The following ALB variants were observed in gnomAD, a reference collection of about 807,000 sequenced individuals.
ALB encodes albumin, also known as serum albumin.
Under a neutral mutation model 74.5 loss-of-function variants are expected in ALB, and 37 were observed. The ratio of observed to expected loss-of-function variants is 0.50; its 90% CI spans 0.38 to 0.65. The LOEUF is 0.65. ALB is among the 30% of genes least tolerant of loss of function. The pLI, the probability that ALB is intolerant of heterozygous loss-of-function variation, is 0.00. For missense variants in ALB, 685 were observed against 718.7 expected (o/e 0.95, Z 0.54); for synonymous variants, 249 against 251.6 (o/e 0.99, Z 0.10).
rs1474079372 is a variant in ALB at position 73,408,666 on chromosome 4, T to C, written c.343T>C (p.Cys115Arg). 6.2e-7 allele frequency: 1 copy of C among 1,614,104 alleles called. No homozygotes were observed. Among genetic ancestry groups the C allele is most frequent in the Non-Finnish European group, 8.5e-7 (1 of 1,179,960 alleles). Reference protein sequence around the residue: ...RETYGEMADCCAKQEPERNEC... With the variant: ...RETYGEMADCRAKQEPERNEC... Reference sequence around the variant, plus strand: ...AACCTATGGTGAAATGGCTGACTGCTGTGCAAAACAAGAACCTGAGAGAAA... The same window carrying C: ...AACCTATGGTGAAATGGCTGACTGCCGTGCAAAACAAGAACCTGAGAGAAA... Residue 115 changes from cysteine to arginine, a missense_variant, in exon 4 of 15, where the codon TGT becomes CGT. Transcript: ENST00000295897.
At position 73,420,965 on chromosome 4, in the gene ALB, C is replaced by T. The variant is rs562493058; in HGVS notation, c.*24-127C>T. On this transcript the variant is annotated intron_variant, in intron 14 of 14. Transcript: ENST00000295897. ...TCAGCAGCCGTAAGTCTAGGACAGG[C>T]TTAAATTGTTTTCACTGGTGTAAAT... is the stretch of plus-strand genomic sequence containing the variant. 6.3e-5 allele frequency: 37 copies of T among 584,538 alleles called. No homozygotes were observed. In the South Asian group the frequency reaches 7.9e-4, roughly 12 times the overall value. The allele number at this position is 584,538 out of a possible 1,614,324, so 36.2% of individuals were successfully genotyped here. A position where few individuals can be genotyped will look rare whatever the true frequency, so the allele number is the denominator to read the frequency against.
intron 1 of ALB, among the ~76,000 whole-genome samples, 179 bp downstream of exon 1, chr4:73,404,585 T>TA (rs374771640): frequency 0.025 from 3,415 of 138,610 alleles, 72 homozygotes; most frequent in African/African-American, 0.071. Flanking sequence ...ACATCCTAGG[T>TA]AAAAAAAAAA....
intron 7 of ALB, 86 bp downstream of exon 7, chr4:73,412,211 C>G (rs1577938227): frequency 6.6e-7 from 1 of 1,515,930 alleles, no homozygotes; most frequent in Non-Finnish European, 9.1e-7. Context: ...TGATAGCTGA[C>G]AGTGGGTTGA....
At chr4:73,407,499 A>G (rs55865754) in intron 3 of ALB, among the ~76,000 whole-genome samples, 1 of 152,246 alleles carries the variant, frequency 6.6e-6, no homozygotes, top group Non-Finnish European at 1.5e-5. Context: ...TTCTTTATCC[A>G]TTAATTTGTT....
chr4:73,415,216 A>G (rs781229259), intron 9 of ALB, 49 bp downstream of exon 9: 5 of 1,600,466 alleles, frequency 3.1e-6, no homozygotes, highest in African/African-American at 1.3e-5. Context: ...GATGATTCCA[A>G]TAATGAGAAA....
At position 73,415,178 on chromosome 4, in the gene ALB, T is replaced by A. The variant is rs78977679; in HGVS notation, c.1191+11T>A. The A allele has an allele frequency of 2.2e-4, 361 of 1,614,002 alleles. 4 individuals are homozygous for A. In the East Asian group the frequency reaches 6.9e-3, roughly 31 times the overall value. On this transcript the variant is annotated intron_variant, in intron 9 of 14. Coordinates refer to ENST00000295897, the MANE Select transcript of ALB (RefSeq NM_000477.7). ...TGCTATGCCAAAGTGGTAGGTTTAT[T>A]GTTGGAAAAAAATGTAGTTCTTTGA...
chr4:73,420,640 C>T (rs1214632035), intron 14 of ALB, among the ~76,000 whole-genome samples: 2 of 152,152 alleles, frequency 1.3e-5, no homozygotes, highest in African/African-American at 4.8e-5. Flanking sequence ...ATGCGGTACA[C>T]AGAGCCATCC....
intron 5 of ALB, 33 bp from the exon 6 acceptor site, chr4:73,410,279 T>C: frequency 1.3e-6 from 2 of 1,566,046 alleles, no homozygotes; most frequent in South Asian, 1.1e-5. Flanking sequence ...AGAATTTTTC[T>C]TCTAATTTTC....
intron 7 of ALB, among the ~76,000 whole-genome samples, chr4:73,412,977 A>G (rs1718919134): frequency 6.6e-6 from 1 of 152,160 alleles, no homozygotes; most frequent in South Asian, 2.1e-4. Context: ...CTCTCATGGC[A>G]CTTTCTGGAA....
At chr4:73,404,786 C>T (rs1179962189) in intron 1 of ALB, 2 of 345,854 alleles carry the variant, frequency 5.8e-6, no homozygotes, top group Non-Finnish European at 1.1e-5. Context: ...ATAAATAGAA[C>T]TTGTATTTAT....
rs1170607991 is a variant in ALB at position 73,417,604 on chromosome 4, G to C, written c.1363G>C (p.Gly455Arg). The C allele has an allele frequency of 6.2e-7, 1 of 1,613,748 alleles. No homozygotes were observed. Residue 455 changes from glycine to arginine, a missense_variant, in exon 11 of 15, where the codon GGA becomes CGA. Gly to Arg is a moderately radical substitution (Grantham distance 125). Transcript: ENST00000295897. ...PTLVEVSRNLGKVGSKCCKHP... is the reference protein window; with the variant it reads ...PTLVEVSRNLRKVGSKCCKHP... The stretch of plus-strand genomic sequence containing the variant: ...TCTTGTAGAGGTCTCAAGAAACCTA[G>C]GAAAAGTGGGCAGCAAATGTTGTAA...
In ALB at chr4:73,408,475, G is replaced by A. The variant is rs560809719; in HGVS notation, c.271-119G>A. 5.6e-5 allele frequency: 49 copies of A among 879,900 alleles called. 1 individual carries two copies. The highest frequency in any genetic ancestry group is 3.7e-4 in the African/African-American group (22 of 59,448). The allele number at this position is 879,900 out of a possible 1,614,324, so 54.5% of individuals were successfully genotyped here. A position where few individuals can be genotyped will look rare whatever the true frequency, so the allele number is the denominator to read the frequency against. On this transcript the variant is annotated intron_variant, in intron 3 of 14. Transcript: ENST00000295897. ...GTAAACCTCGATTGGGAGGGGAAGC[G>A]GATTTTTAAATGATTTCCTGACCAA... is the stretch of plus-strand genomic sequence containing the variant.
At chr4:73,404,857 G>A in intron 1 of ALB, 1 of 459,778 alleles carries the variant, frequency 2.2e-6, no homozygotes, top group Non-Finnish European at 3.9e-6. Flanking sequence ...AAGAGTATTA[G>A]ATATTATCTA....
chr4:73,412,080 C>G lies in ALB; in HGVS notation c.798C>G (p.His266Gln), dbSNP rs1215519047. The G allele has an allele frequency of 6.2e-7, 1 of 1,614,028 alleles. No individual in the cohort carries two copies. Among genetic ancestry groups the G allele is most frequent in the Admixed American group, 1.7e-5 (1 of 60,000 alleles). Residue 266 changes from histidine (H) to glutamine (Q), a missense_variant, in exon 7 of 15, where the codon CAC becomes CAG. His to Gln is a conservative substitution (Grantham distance 24). Transcript: ENST00000295897. The part of the protein sequence containing the change: ...SKLVTDLTKV[H>Q]TECCHGDLLE... ...TAGTGACAGATCTTACCAAAGTCCA[C>G]ACGGAATGCTGCCATGGAGATCTGC... is the stretch of plus-strand genomic sequence containing the variant.
intron 7 of ALB, 50 bp from the exon 8 acceptor site, chr4:73,413,370 G>C: frequency 6.7e-7 from 1 of 1,498,788 alleles, no homozygotes; most frequent in Non-Finnish European, 9.3e-7. Context: ...TGAGGAGAAA[G>C]TGTAGCAATG....
intron 8 of ALB, among the ~76,000 whole-genome samples, chr4:73,414,347 A>C (rs1246966177): frequency 6.6e-6 from 1 of 152,246 alleles, no homozygotes; most frequent in Non-Finnish European, 1.5e-5. Flanking sequence ...AGTTTAAATC[A>C]AACAAAATGT....
rs1422761959 is a variant in ALB at position 73,418,076 on chromosome 4, C to T, written c.1429-12C>T. On this transcript the variant is annotated splice_polypyrimidine_tract_variant and intron_variant, in intron 11 of 14. Coordinates refer to ENST00000295897, the MANE Select transcript of ALB (RefSeq NM_000477.7). Reference sequence around the variant, plus strand: ...CCTCTTTTGAATTTCTGCTCTCCTGCCTGTTCTTTAGCTATCCGTGGTCCT... The same window carrying T: ...CCTCTTTTGAATTTCTGCTCTCCTGTCTGTTCTTTAGCTATCCGTGGTCCT... 1 of 1,612,832 alleles carries T rather than the reference C, an allele frequency of 6.2e-7. No homozygotes were observed. The highest frequency in any genetic ancestry group is 8.5e-7 in the Non-Finnish European group (1 of 1,178,956).
chr4:73,405,036 G>T (rs1482656743), intron 1 of ALB, 80 bp from the exon 2 acceptor site: 1 of 1,371,860 alleles, frequency 7.3e-7, no homozygotes, highest in Non-Finnish European at 1.0e-6. Context: ...AAGTCAAATG[G>T]AAAGAAATAT....
Position 73,415,104 on chromosome 4 carries a change from A to C in ALB, c.1128A>C (p.Thr376=), listed in dbSNP as rs750844332. The C allele has an allele frequency of 2.5e-6, 4 of 1,614,200 alleles. No homozygotes were observed. The highest frequency in any genetic ancestry group is 2.5e-6 in the Non-Finnish European group (3 of 1,180,028). The change falls in exon 9 of 15, where the codon ACA becomes ACC. Residue 376 remains threonine, a synonymous_variant. Coordinates refer to ENST00000295897, the MANE Select transcript of ALB (RefSeq NM_000477.7). ...TGCTGCTGCTGAGACTTGCCAAGAC[A>C]TATGAAACCACTCTAGAGAAGTGCT... ...SVVLLLRLAK[T]YETTLEKCCA...
Sources: gnomAD v4.1 joint callset for allele counts (sites outside exome capture counted in the v4.1 genomes callset) on GRCh38, gnomAD v4.1.1 for gene constraint, MANE v1.5 for transcripts, NCBI Gene and HGNC (gene_info 2026-07-23, HGNC 2026-07-21) for gene names.